The following NUP62CL variants were observed in gnomAD, a reference collection of about 807,000 sequenced individuals.
NUP62CL encodes nucleoporin 62 C-terminal like, also known as nucleoporin-62 C-terminal-like protein.
In NUP62CL, 13 loss-of-function variants were observed where a neutral mutation model predicts 15.3. The ratio of observed to expected loss-of-function variants is 0.85; its 90% CI spans 0.55 to 1.35. The LOEUF is 1.35. Ranked by LOEUF, NUP62CL falls within the 40% of genes most tolerant of loss-of-function variation. The probability of loss-of-function intolerance (pLI) is 0.00; values close to 1 mark genes in which losing one functional copy is unlikely to be tolerated. For synonymous variants in NUP62CL, 54 were observed against 49.2 expected (o/e 1.10, Z -0.41); for missense variants, 123 against 130.6 (o/e 0.94, Z 0.28).
intron 2 of NUP62CL, among the ~76,000 whole-genome samples, chrX:107,181,225 T>C (rs1460233382): frequency 2.7e-5 from 3 of 110,872 alleles, no homozygotes; most frequent in Non-Finnish European, 5.7e-5. Context: ...ATGGTTTTAC[T>C]TTCTACCTTA....
At chrX:107,156,107 C>T (rs897330353) in intron 4 of NUP62CL, among the ~76,000 whole-genome samples, 4 of 111,320 alleles carry the variant, frequency 3.6e-5, no homozygotes, top group African/African-American at 1.3e-4. Flanking sequence ...GACTATATCC[C>T]ACACCTGGCT....
At chrX:107,135,814 T>A (rs7049908) in intron 8 of NUP62CL, among the ~76,000 whole-genome samples, 34,145 of 110,034 alleles carry the variant, frequency 0.31, 5,142 homozygotes, top group African/African-American at 0.56. Flanking sequence ...TAAATAAAAA[T>A]TTCTAGAAAT....
At chrX:107,194,316 A>G (rs1329748988) in intron 1 of NUP62CL, among the ~76,000 whole-genome samples, 6 of 111,767 alleles carry the variant, frequency 5.4e-5, no homozygotes, top group Non-Finnish European at 3.8e-5. Flanking sequence ...GAAACCCTAT[A>G]GAGAAAAAAT....
chrX:107,147,865 A>T, intron 7 of NUP62CL, 56 bp from the exon 8 acceptor site: 1 of 942,041 alleles, frequency 1.1e-6, no homozygotes, highest in Non-Finnish European at 1.5e-6. Flanking sequence ...GTAAATAAAA[A>T]ATAAACATAA....
chrX:107,157,763 A>G (rs1473305176), intron 4 of NUP62CL, among the ~76,000 whole-genome samples: 1 of 111,137 alleles, frequency 9.0e-6, no homozygotes, highest in African/African-American at 3.3e-5. Context: ...GACAGGATCA[A>G]ATTCACACAT....
intron 4 of NUP62CL, among the ~76,000 whole-genome samples, chrX:107,166,398 G>A (rs1926517429): frequency 8.9e-6 from 1 of 111,849 alleles, no homozygotes; most frequent in African/African-American, 3.2e-5. Flanking sequence ...CAAATAAAAA[G>A]TAGTGACAAC....
At chrX:107,172,973 A>G (rs997436223) in intron 3 of NUP62CL, among the ~76,000 whole-genome samples, 3 of 111,231 alleles carry the variant, frequency 2.7e-5, no homozygotes, top group Admixed American at 9.6e-5. Context: ...CACATTTCCA[A>G]TGAGACCCCC....
chrX:107,204,838 T>A (rs1479776425), intron 1 of NUP62CL, among the ~76,000 whole-genome samples: 1 of 82,214 alleles, frequency 1.2e-5, no homozygotes, highest in Non-Finnish European at 2.1e-5. Flanking sequence ...AAATTTTAAA[T>A]AAATTATTTA....
intron 8 of NUP62CL, among the ~76,000 whole-genome samples, chrX:107,141,674 A>C (rs775715065): frequency 8.9e-6 from 1 of 112,165 alleles, no homozygotes; most frequent in South Asian, 3.8e-4. Flanking sequence ...AAACAGGAAG[A>C]AGGCACCTTA....
chrX:107,134,672 T>C (rs1925598810), intron 8 of NUP62CL, among the ~76,000 whole-genome samples: 1 of 110,379 alleles, frequency 9.1e-6, no homozygotes, highest in South Asian at 4.0e-4. Flanking sequence ...CAGGCTGGTG[T>C]CGGACTCATG....
At chrX:107,189,868 AAAAGAAAGAAAAG>A (rs1927174601) in intron 2 of NUP62CL, among the ~76,000 whole-genome samples, 1 of 66,929 alleles carries the variant, frequency 1.5e-5, no homozygotes, top group African/African-American at 5.5e-5. Context: ...GAAGGAAGGA[AAAAGAAAGAAAAG>A]AAAGAAAGAA....
chrX:107,195,347 T>C (rs1927339412), intron 1 of NUP62CL, among the ~76,000 whole-genome samples: 1 of 111,431 alleles, frequency 9.0e-6, no homozygotes, highest in Admixed American at 9.6e-5. Flanking sequence ...TTTCTAAGAG[T>C]TAAAGGTGAT....
intron 7 of NUP62CL, among the ~76,000 whole-genome samples, chrX:107,152,059 T>TATATATATATATATTCAG (rs1926031345): frequency 2.9e-5 from 2 of 69,006 alleles, no homozygotes; most frequent in Non-Finnish European, 4.8e-5. Context: ...GATATATATA[T>TATATATATATATATTCAG]ATATATATAT....
intron 4 of NUP62CL, among the ~76,000 whole-genome samples, chrX:107,155,123 A>G (rs942212045): frequency 1.8e-5 from 2 of 111,558 alleles, no homozygotes; most frequent in African/African-American, 6.5e-5. Flanking sequence ...GCAATGCTCA[A>G]TGAGAAGCTT....
chrX:107,175,011 T>A, intron 3 of NUP62CL, 78 bp downstream of exon 3: 1 of 728,536 alleles, frequency 1.4e-6, no homozygotes, highest in Non-Finnish European at 2.2e-6. Flanking sequence ...GAGACAGAGA[T>A]CTGTAGCATA....
At chrX:107,151,515 CCACA>C (rs59950269) in intron 7 of NUP62CL, among the ~76,000 whole-genome samples, 4,093 of 98,707 alleles carry the variant, frequency 0.041, 209 homozygotes, top group African/African-American at 0.14. Flanking sequence ...TCCACCCAAA[CCACA>C]CACACACACA....
In NUP62CL at chrX:107,203,978, T is replaced by C. The variant is rs145948364; in HGVS notation, c.-92+2295A>G. 2.2e-3 allele frequency among the ~76,000 whole-genome samples: 244 copies of C among 112,091 alleles called. 3 individuals are homozygous for C. The East Asian group carries it at 0.062, about 28-fold the overall frequency. On this transcript the variant is annotated intron_variant, in intron 1 of 8. Transcript: ENST00000372466. Reference sequence around the variant, plus strand: ...AAACCTTTGGGTGTATTTTAAAAAATATTTTAGATCTCTCAGGTTTCATTA... The same window carrying C: ...AAACCTTTGGGTGTATTTTAAAAAACATTTTAGATCTCTCAGGTTTCATTA...
At chrX:107,142,043 C>T (rs1182718101) in intron 8 of NUP62CL, among the ~76,000 whole-genome samples, 3 of 109,639 alleles carry the variant, frequency 2.7e-5, no homozygotes, top group Non-Finnish European at 5.7e-5. Flanking sequence ...GAGTGAGGCT[C>T]TGTCTCAAAA....
chrX:107,198,587 G>C (rs1244559692), intron 1 of NUP62CL, among the ~76,000 whole-genome samples: 1 of 110,663 alleles, frequency 9.0e-6, no homozygotes, highest in Non-Finnish European at 1.9e-5. Flanking sequence ...AACTCTGGAC[G>C]CACCACCTTT....
Sources: allele counts gnomAD v4.1 joint callset (sites outside exome capture counted in the v4.1 genomes callset), GRCh38; gene constraint gnomAD v4.1.1; transcripts MANE v1.5; gene names NCBI Gene and HGNC (gene_info 2026-07-23, HGNC 2026-07-21).